ZNF536: variants seen among roughly 807,000 people sequenced by gnomAD.
ZNF536 encodes zinc finger protein 536.
A neutral mutation model predicts 84.5 loss-of-function variants in ZNF536; 13 were observed. The ratio of observed to expected loss-of-function variants is 0.15; its 90% confidence interval spans 0.10 to 0.24. The LOEUF (loss-of-function observed/expected upper bound fraction) is 0.24. Among genes scored for constraint, ZNF536 ranks in the 10% least tolerant of loss-of-function variants. The probability of loss-of-function intolerance (pLI) is 1.00; values close to 1 mark genes in which losing one functional copy is unlikely to be tolerated. For synonymous variants in ZNF536, 811 were observed against 742.5 expected (o/e 1.09, Z -1.50); for missense variants, 1,536 against 1,747.5 (o/e 0.88, Z 2.16).
At chr19:30,631,192 T>C (rs2048875071) in intron 1 of ZNF536, among the ~76,000 whole-genome samples, 1 of 152,194 alleles carries the variant, frequency 6.6e-6, no homozygotes, top group Non-Finnish European at 1.5e-5. Flanking sequence ...GCCATCTGCT[T>C]GAAGCATCTG....
At chr19:30,428,579 G>T (rs2051313059) in intron 1 of ZNF536, among the ~76,000 whole-genome samples, 2 of 151,908 alleles carry the variant, frequency 1.3e-5, no homozygotes, top group Non-Finnish European at 2.9e-5. Flanking sequence ...GCTTGGGTAG[G>T]TGATACTTCC....
At chr19:30,541,101 AC>A (rs1338824663) in intron 3 of ZNF536, among the ~76,000 whole-genome samples, 1 of 152,238 alleles carries the variant, frequency 6.6e-6, no homozygotes, top group African/African-American at 2.4e-5. Context: ...TATGGTGGAA[AC>A]CACCTTTCAT....
rs139774680 is a variant in ZNF536, at chr19:30,346,079, A to G, written c.-119-6289A>G. 3.9e-3 allele frequency among the ~76,000 whole-genome samples: 587 copies of G among 152,270 alleles called. 4 individuals are homozygous for G. The highest frequency in any genetic ancestry group is 0.013 in the African/African-American group (555 of 41,556). ...CTATGATGCTGCCACAGTGTTACAG[A>G]TTCACTGCCATCGGAAAGGCTGTAG... On this transcript the variant is annotated intron_variant, in intron 2 of 5. Transcript: ENST00000585628.
At position 30,395,901 on chromosome 19, in the gene ZNF536, C is replaced by T. The variant is rs532236270; in HGVS notation, c.-3+23345C>T. ...AAATTGAGTGGGAAGTACAAAGGCTCATCCCCACAATTCCTCGCTATTAAC... is the reference window on the plus strand; with the variant it reads ...AAATTGAGTGGGAAGTACAAAGGCTTATCCCCACAATTCCTCGCTATTAAC... On this transcript the variant is annotated intron_variant, in intron 1 of 4. Transcript: ENST00000355537. Among the ~76,000 whole-genome samples, 7 of 152,258 alleles carry T rather than the reference C, an allele frequency of 4.6e-5. No individual in the cohort carries two copies. In the East Asian group the frequency reaches 1.2e-3, roughly 25 times the overall value.
At chr19:30,654,698 T>C (rs2049838388) in intron 1 of ZNF536, among the ~76,000 whole-genome samples, 1 of 152,066 alleles carries the variant, frequency 6.6e-6, no homozygotes, top group Non-Finnish European at 1.5e-5. Flanking sequence ...GGGCACTGAC[T>C]GAGGCTTGTT....
At chr19:30,364,026 G>C (rs775405170) in intron 3 of ZNF536, among the ~76,000 whole-genome samples, 5 of 152,158 alleles carry the variant, frequency 3.3e-5, no homozygotes, top group Non-Finnish European at 5.9e-5. Flanking sequence ...AAGCATCTCT[G>C]TTTCATTGGA....
intron 1 of ZNF536, among the ~76,000 whole-genome samples, chr19:30,630,165 G>A (rs562117935): frequency 6.6e-6 from 1 of 152,314 alleles, no homozygotes; most frequent in African/African-American, 2.4e-5. Context: ...TGCTGGGTTG[G>A]GCAGGCAAGA....
chr19:30,472,106 G>A (rs914363719), intron 2 of ZNF536, among the ~76,000 whole-genome samples: 2 of 152,318 alleles, frequency 1.3e-5, no homozygotes, highest in South Asian at 2.1e-4. Flanking sequence ...GAGTCCTCAC[G>A]ATAGCAGGGA....
At chr19:30,684,617 T>G (rs1311917399) in intron 1 of ZNF536, among the ~76,000 whole-genome samples, 2 of 152,248 alleles carry the variant, frequency 1.3e-5, no homozygotes, top group Non-Finnish European at 2.9e-5. Context: ...ATTTGATTCC[T>G]GGAACTCCAT....
At chr19:30,477,729 G>T (rs577233948) in intron 2 of ZNF536, among the ~76,000 whole-genome samples, 25 of 152,316 alleles carry the variant, frequency 1.6e-4, no homozygotes, top group Admixed American at 1.6e-3. Context: ...TGGGCACAAT[G>T]ATGGCAAACT....
At chr19:30,286,373 A>C (rs1216752681) in intron 2 of ZNF536, among the ~76,000 whole-genome samples, 1 of 152,168 alleles carries the variant, frequency 6.6e-6, no homozygotes, top group Non-Finnish European at 1.5e-5. Context: ...CAGAAAAATA[A>C]ATGGGAAGAA....
At chr19:30,633,396 A>G (rs995385389) in intron 1 of ZNF536, among the ~76,000 whole-genome samples, 1 of 152,262 alleles carries the variant, frequency 6.6e-6, no homozygotes, top group African/African-American at 2.4e-5. Context: ...CATCACCTCA[A>G]ATATTTAACT....
At chr19:30,439,906 G>A (rs1052210723) in intron 1 of ZNF536, among the ~76,000 whole-genome samples, 1 of 151,612 alleles carries the variant, frequency 6.6e-6, no homozygotes, top group Non-Finnish European at 1.5e-5. Flanking sequence ...TTAGGGGTGT[G>A]GACAGCTTTT....
chr19:30,545,166 C>T (rs1883772912), intron 3 of ZNF536, among the ~76,000 whole-genome samples: 2 of 152,138 alleles, frequency 1.3e-5, no homozygotes, highest in Non-Finnish European at 2.9e-5. Flanking sequence ...ATCAGCACTT[C>T]ATCAAGCCCC....
chr19:30,636,423 A>G (rs1036270999), intron 1 of ZNF536, among the ~76,000 whole-genome samples: 21 of 152,126 alleles, frequency 1.4e-4, no homozygotes, highest in African/African-American at 5.1e-4. Context: ...CTCTTCATGG[A>G]TAAAAGAAAA....
chr19:30,706,104 G>A (rs887665932), intron 1 of ZNF536, among the ~76,000 whole-genome samples: 1 of 152,202 alleles, frequency 6.6e-6, no homozygotes, highest in African/African-American at 2.4e-5. Flanking sequence ...CACTCCTGTG[G>A]CAGTATCATT....
intron 4 of ZNF536, among the ~76,000 whole-genome samples, chr19:30,550,930 T>G (rs1243108974): frequency 6.6e-6 from 1 of 152,220 alleles, no homozygotes; most frequent in Non-Finnish European, 1.5e-5. Flanking sequence ...AGATCTATTT[T>G]TAGCCACATA....
chr19:30,707,084 C>T (rs1229589314), intron 1 of ZNF536, among the ~76,000 whole-genome samples: 4 of 152,136 alleles, frequency 2.6e-5, no homozygotes, highest in East Asian at 3.9e-4. Flanking sequence ...GGCATAGCTT[C>T]GGGCCCACAG....
intron 2 of ZNF536, among the ~76,000 whole-genome samples, chr19:30,519,642 C>T (rs1416250759): frequency 6.6e-6 from 1 of 152,190 alleles, no homozygotes; most frequent in Non-Finnish European, 1.5e-5. Context: ...GGCCCCACAC[C>T]CTGGAAGGGC....
Sources: allele counts gnomAD v4.1 joint callset (sites outside exome capture counted in the v4.1 genomes callset), GRCh38; gene constraint gnomAD v4.1.1; transcripts MANE v1.5; gene names NCBI Gene and HGNC (gene_info 2026-07-23, HGNC 2026-07-21).